ZNF83: variants seen among roughly 807,000 people sequenced by gnomAD.
The protein encoded by ZNF83 is zinc finger protein 816B.
For synonymous variants in ZNF83, 209 were observed against 213.0 expected, an observed-to-expected ratio of 0.98 and a Z score of 0.17; for missense variants, 552 against 629.9, an observed-to-expected ratio of 0.88 and a Z score of 1.32.
At chr19:52,688,472 CCT>C (rs2062085498) in intron 1 of ZNF83, among the ~76,000 whole-genome samples, 1 of 151,958 alleles carries the variant, frequency 6.6e-6, no homozygotes, top group Admixed American at 6.6e-5. Context: ...CTGTACCCAG[CCT>C]CTCTTTCTTC....
At chr19:52,669,543 A>G (rs1210389786) in intron 1 of ZNF83, among the ~76,000 whole-genome samples, 1 of 152,222 alleles carries the variant, frequency 6.6e-6, no homozygotes, top group Non-Finnish European at 1.5e-5. Flanking sequence ...AAGAGTTTGC[A>G]TCATAATTAA....
chr19:52,651,491 C>A (rs1250524117), intron 3 of ZNF83: 1 of 152,102 alleles, frequency 6.6e-6, no homozygotes, highest in East Asian at 1.9e-4. Flanking sequence ...GAACAAGTAT[C>A]TGGCTTTTCC....
intron 1 of ZNF83, among the ~76,000 whole-genome samples, chr19:52,670,171 C>A (rs1232225470): frequency 6.6e-6 from 1 of 152,062 alleles, no homozygotes; most frequent in Non-Finnish European, 1.5e-5. Flanking sequence ...ATTCCAATCA[C>A]CTGCTCCACC....
intron 1 of ZNF83, among the ~76,000 whole-genome samples, chr19:52,677,686 A>C (rs1016422499): frequency 2.5e-4 from 29 of 117,196 alleles, no homozygotes; most frequent in Admixed American, 9.4e-4. Flanking sequence ...GCAATGGGGG[A>C]GACCACAGGC....
At chr19:52,628,391 CCT>C (rs1225947720) in intron 2 of ZNF83, among the ~76,000 whole-genome samples, 1 of 152,156 alleles carries the variant, frequency 6.6e-6, no homozygotes, top group Non-Finnish European at 1.5e-5. Context: ...TATCCCTCAA[CCT>C]CTGTCTCCTT....
intron 2 of ZNF83, among the ~76,000 whole-genome samples, chr19:52,630,629 C>T (rs557842551): frequency 2.6e-5 from 4 of 152,118 alleles, no homozygotes; most frequent in South Asian, 2.1e-4. Context: ...AAGCTTCCTT[C>T]GCATCCTCCT....
At chr19:52,628,370 A>C (rs1484200202) in intron 2 of ZNF83, among the ~76,000 whole-genome samples, 1 of 151,428 alleles carries the variant, frequency 6.6e-6, no homozygotes, top group Non-Finnish European at 1.5e-5. Context: ...CTCTTCTCCA[A>C]CCTCCCTCAC....
At chr19:52,620,661 G>A (rs1384311433) in intron 2 of ZNF83, among the ~76,000 whole-genome samples, 3 of 152,272 alleles carry the variant, frequency 2.0e-5, no homozygotes, top group Middle Eastern at 6.8e-3. Flanking sequence ...TAAACACAAA[G>A]AAGAAAACAA....
exon 3 of ZNF83, chr19:52,613,372 T>C: frequency 6.2e-7 from 1 of 1,613,748 alleles, no homozygotes; most frequent in Non-Finnish European, 8.5e-7. Context: ...GTAAGGTTTC[T>C]CTCCAGTATG....
chr19:52,637,972 G>A (rs1174683618), intron 1 of ZNF83, among the ~76,000 whole-genome samples: 1 of 152,218 alleles, frequency 6.6e-6, no homozygotes, highest in Non-Finnish European at 1.5e-5. Flanking sequence ...AGTGGCCTAC[G>A]AAGGCGAGGG....
upstream of ZNF83, among the ~76,000 whole-genome samples, chr19:52,642,512 C>G (rs1425460500): frequency 6.6e-6 from 1 of 152,060 alleles, no homozygotes; most frequent in Non-Finnish European, 1.5e-5. Context: ...AGGTGATCAA[C>G]TGCACCCAGC....
upstream of ZNF83, among the ~76,000 whole-genome samples, chr19:52,638,851 C>T (rs562598629): frequency 2.6e-4 from 39 of 152,122 alleles, no homozygotes; most frequent in Non-Finnish European, 2.1e-4. Context: ...GGGATATGGG[C>T]GCGGGAGTGG....
chr19:52,633,277 C>T (rs1052494570), intron 2 of ZNF83, among the ~76,000 whole-genome samples: 1 of 152,080 alleles, frequency 6.6e-6, no homozygotes, highest in African/African-American at 2.4e-5. Context: ...AACGGCCCCA[C>T]CCCATCTCCC....
chr19:52,674,979 C>T (rs966686443), intron 1 of ZNF83, among the ~76,000 whole-genome samples: 10 of 152,116 alleles, frequency 6.6e-5, no homozygotes, highest in African/African-American at 2.4e-4. Flanking sequence ...CCTTGGGCTC[C>T]CAAAGTGCTG....
chr19:52,668,108 A>C (rs377585570), intron 1 of ZNF83, among the ~76,000 whole-genome samples: 8 of 152,286 alleles, frequency 5.3e-5, no homozygotes, highest in African/African-American at 1.9e-4. Flanking sequence ...TTCCTTTAAA[A>C]CAAGAGTCTC....
At chr19:52,632,834 C>A (rs2061015618) in intron 2 of ZNF83, among the ~76,000 whole-genome samples, 1 of 152,062 alleles carries the variant, frequency 6.6e-6, no homozygotes, top group African/African-American at 2.4e-5. Context: ...AATGTTTCTT[C>A]CAACAGCCCC....
chr19:52,667,136 T>C (rs2061665288), intron 1 of ZNF83, among the ~76,000 whole-genome samples: 1 of 151,810 alleles, frequency 6.6e-6, no homozygotes, highest in Non-Finnish European at 1.5e-5. Flanking sequence ...TAACATGTAT[T>C]ATCCTAACTT....
At chr19:52,666,483 C>A (rs2061655110) in intron 1 of ZNF83, among the ~76,000 whole-genome samples, 2 of 152,036 alleles carry the variant, frequency 1.3e-5, no homozygotes, top group South Asian at 4.1e-4. Flanking sequence ...AAATCCTTAA[C>A]CCAGTAAACC....
intron 2 of ZNF83, among the ~76,000 whole-genome samples, chr19:52,656,961 C>T (rs191913167): frequency 4.6e-5 from 7 of 151,918 alleles, no homozygotes; most frequent in Admixed American, 2.6e-4. Flanking sequence ...TAACTTCAGT[C>T]GGGACATTAT....
Sources: gnomAD v4.1 joint callset for allele counts (sites outside exome capture counted in the v4.1 genomes callset) on GRCh38, gnomAD v4.1.1 for gene constraint, MANE v1.5 for transcripts, NCBI Gene and HGNC (gene_info 2026-07-23, HGNC 2026-07-21) for gene names.